Variants in SYNE1 observed in about 807,000 individuals in gnomAD.
SYNE1 encodes the protein nesprin-1.
In SYNE1, 616 loss-of-function variants were observed where a neutral mutation model predicts 1,111.0. The observed-to-expected ratio is 0.55, with a 90% CI of 0.52 to 0.59. SYNE1 has a LOEUF of 0.59. SYNE1 is among the 20% of genes least tolerant of loss of function. SYNE1 has a pLI of 0.00. For missense variants in SYNE1, 10,006 were observed against 10,417.0 expected (o/e 0.96, Z 1.72); for synonymous variants, 3,855 against 3,825.8 (o/e 1.01, Z -0.28).
At chr6:152,343,473 T>C (rs191158822) in intron 74 of SYNE1, among the ~76,000 whole-genome samples, 1 of 149,714 alleles carries the variant, frequency 6.7e-6, no homozygotes, top group East Asian at 2.0e-4. Flanking sequence ...TCTCTTTCTT[T>C]TTTTTTTTTC....
At chr6:152,625,075 T>C (rs1244428052) in intron 3 of SYNE1, among the ~76,000 whole-genome samples, 2 of 152,248 alleles carry the variant, frequency 1.3e-5, no homozygotes, top group African/African-American at 2.4e-5. Flanking sequence ...AATGTTCTTA[T>C]GAATTTGAAC....
At chr6:152,366,324 C>T (rs1266895319) in intron 62 of SYNE1, among the ~76,000 whole-genome samples, 2 of 151,978 alleles carry the variant, frequency 1.3e-5, no homozygotes, top group African/African-American at 4.8e-5. Flanking sequence ...AAGAGCAAAA[C>T]TCCGTCTAAA....
chr6:152,198,449 T>A (rs2074645846), intron 127 of SYNE1, among the ~76,000 whole-genome samples: 1 of 152,234 alleles, frequency 6.6e-6, no homozygotes, highest in Non-Finnish European at 1.5e-5. Flanking sequence ...CACTGGAGTA[T>A]TACTTTTAAT....
In SYNE1 at chr6:152,344,224, A is replaced by G. The variant is rs769618101; in HGVS notation, c.12082T>C (p.Tyr4028His). Residue 4028 changes from tyrosine to histidine, a missense_variant, in exon 74 of 146, where the codon TAC becomes CAC. Physicochemically the swap from Tyr to His is moderately conservative, Grantham distance 83 (BLOSUM62 2). Coordinates refer to ENST00000367255, the MANE Select transcript of SYNE1 (RefSeq NM_182961.4). ...SAICSTAQRMYQSLEHELQKH... is the reference protein window; with the variant it reads ...SAICSTAQRMHQSLEHELQKH... ...TGAAGTTCGTGTTCCAAACTCTGGT[A>G]CATCTGAGACAATACAATCATGCTG... 2.5e-6 allele frequency: 4 copies of G among 1,614,218 alleles called. No homozygotes were observed. The highest frequency in any genetic ancestry group is 3.4e-6 in the Non-Finnish European group (4 of 1,180,042).
At chr6:152,376,682 G>A (rs2097287868) in intron 57 of SYNE1, 94 bp downstream of exon 57, 4 of 1,568,450 alleles carry the variant, frequency 2.6e-6, no homozygotes, top group African/African-American at 2.7e-5. Context: ...ATTTAATGCT[G>A]AACTAATATT....
chr6:152,633,046 C>T (rs773829805), intron 2 of SYNE1, among the ~76,000 whole-genome samples: 21 of 152,184 alleles, frequency 1.4e-4, no homozygotes, highest in Admixed American at 3.9e-4. Context: ...TAGCAGTGTT[C>T]TGGCTATGGA....
rs185350092 is a variant in SYNE1 at position 152,368,967 on chromosome 6, G to T, written c.9807+5C>A. On this transcript the variant is annotated splice_donor_5th_base_variant and intron_variant, in intron 61 of 145. Coordinates refer to ENST00000367255, the MANE Select transcript of SYNE1 (RefSeq NM_182961.4). ...CACTCACACACAGCACGTGCCAGGC[G>T]TTACCTTTGTTAAATTGCTTAGCGC... 1 of 1,614,134 alleles carries T rather than the reference G, an allele frequency of 6.2e-7. No homozygotes were observed. The highest frequency in any genetic ancestry group is 2.2e-5 in the East Asian group (1 of 44,880).
intron 127 of SYNE1, among the ~76,000 whole-genome samples, chr6:152,195,556 T>C (rs973851218): frequency 1.3e-5 from 2 of 152,242 alleles, no homozygotes; most frequent in South Asian, 2.1e-4. Flanking sequence ...TGCAGACTGA[T>C]AGAGGAACCA....
intron 38 of SYNE1, 121 bp from the exon 39 acceptor site, chr6:152,425,668 A>G: frequency 1.8e-6 from 2 of 1,134,234 alleles, no homozygotes; most frequent in Admixed American, 3.8e-5. Context: ...CATTCGGGAC[A>G]GGCTGAAGAG....
chr6:152,290,710 G>A (rs2094562261), intron 95 of SYNE1, among the ~76,000 whole-genome samples: 1 of 152,062 alleles, frequency 6.6e-6, no homozygotes, highest in Non-Finnish European at 1.5e-5. Flanking sequence ...AGAGTGTTGG[G>A]AAAGAAATAA....
At chr6:152,378,447 C>G (rs1233988754) in intron 56 of SYNE1, among the ~76,000 whole-genome samples, 1 of 152,200 alleles carries the variant, frequency 6.6e-6, no homozygotes, top group East Asian at 1.9e-4. Flanking sequence ...TGTTTCCTTT[C>G]TCACTCTATG....
intron 48 of SYNE1, among the ~76,000 whole-genome samples, chr6:152,398,964 G>A (rs2097773648): frequency 6.6e-6 from 1 of 152,214 alleles, no homozygotes; most frequent in African/African-American, 2.4e-5. Context: ...AGACTAAAAA[G>A]AAATGTATGT....
chr6:152,467,083 T>C (rs879933226), intron 16 of SYNE1, among the ~76,000 whole-genome samples: 7 of 152,050 alleles, frequency 4.6e-5, no homozygotes, highest in Non-Finnish European at 8.8e-5. Context: ...TGTTTTGAGA[T>C]AACATTTTAA....
At chr6:152,144,128 G>A (rs2152835747) in intron 137 of SYNE1, 1 of 334,356 alleles carries the variant, frequency 3.0e-6, no homozygotes, top group South Asian at 2.6e-5. Flanking sequence ...TCTCAGTAAG[G>A]AGAAAGCTGT....
chr6:152,377,774 T>G (rs899144759), intron 56 of SYNE1, among the ~76,000 whole-genome samples: 33 of 150,936 alleles, frequency 2.2e-4, no homozygotes, highest in African/African-American at 7.8e-4. Flanking sequence ...TAAATAGTAA[T>G]TCATTTATTT....
intron 55 of SYNE1, among the ~76,000 whole-genome samples, chr6:152,382,896 G>A (rs1443020976): frequency 6.6e-6 from 1 of 152,104 alleles, no homozygotes; most frequent in African/African-American, 2.4e-5. Flanking sequence ...AATGGCTTTT[G>A]CATATATTTT....
chr6:152,402,744 TGA>T, intron 46 of SYNE1: 1 of 148,124 alleles, frequency 6.8e-6, no homozygotes, highest in Non-Finnish European at 1.5e-5. Context: ...TGTGTGTGTG[TGA>T]GAGAGAGAAA....
At chr6:152,123,059 T>C (rs753591489) in intron 145 of SYNE1, among the ~76,000 whole-genome samples, 1 of 152,238 alleles carries the variant, frequency 6.6e-6, no homozygotes, top group Non-Finnish European at 1.5e-5. Flanking sequence ...ATTTTTGTTT[T>C]AAGAATATCA....
intron 124 of SYNE1, among the ~76,000 whole-genome samples, chr6:152,210,953 C>T (rs1424982398): frequency 6.6e-6 from 1 of 152,160 alleles, no homozygotes; most frequent in African/African-American, 2.4e-5. Flanking sequence ...ATTCTCATGG[C>T]ATGAGAAAGC....
Sources: allele counts gnomAD v4.1 joint callset (sites outside exome capture counted in the v4.1 genomes callset), GRCh38; gene constraint gnomAD v4.1.1; transcripts MANE v1.5; gene names NCBI Gene and HGNC (gene_info 2026-07-23, HGNC 2026-07-21).